PDXDC1: variants seen among roughly 807,000 people sequenced by gnomAD.
PDXDC1 encodes pyridoxal dependent decarboxylase domain containing 1.
PDXDC1 carries 42 observed loss-of-function variants against 100.1 expected under a neutral mutation model. That is an observed-to-expected ratio of 0.42 (90% CI 0.33 to 0.54). PDXDC1 has a LOEUF of 0.54. Among genes scored for constraint, PDXDC1 ranks in the 20% least tolerant of loss-of-function variants. PDXDC1 has a pLI of 0.10. For missense variants in PDXDC1, 636 were observed against 979.2 expected, an observed-to-expected ratio of 0.65 and a Z score of 4.68; for synonymous variants, 260 against 371.7, an observed-to-expected ratio of 0.70 and a Z score of 3.46.
chr16:15,148,370 ATTTTTTTTTTTTTTTTT>A, the PDXDC1 span, among the ~76,000 whole-genome samples: 1 of 34,118 alleles, frequency 2.9e-5, no homozygotes, highest in East Asian at 1.0e-3. Context: ...AGATCCTGTG[ATTTTTTTTTTTTTTTTT>A]TTTTTTTTTT....
chr16:15,130,383 G>A, intron 16 of PDXDC1: 4 of 1,577,526 alleles, frequency 2.5e-6, no homozygotes, highest in Non-Finnish European at 3.4e-6. Flanking sequence ...CAGGCCCACG[G>A]ACACCTCCAG....
intron 16 of PDXDC1, chr16:15,063,320 T>A: frequency 1.3e-6 from 2 of 1,496,140 alleles, no homozygotes; most frequent in Non-Finnish European, 9.3e-7. Context: ...TCAAGTTAAA[T>A]ACTTCGGCAG....
At chr16:15,044,472 T>C in intron 16 of PDXDC1, 1 of 1,046,626 alleles carries the variant, frequency 9.6e-7, no homozygotes, top group Non-Finnish European at 1.5e-6. Context: ...TGGTCTCACT[T>C]TGAACTTTCA....
chr16:15,048,277 C>T (rs547357441), intron 16 of PDXDC1, among the ~76,000 whole-genome samples: 1 of 152,308 alleles, frequency 6.6e-6, no homozygotes, highest in South Asian at 2.1e-4. Flanking sequence ...CAGAACAATG[C>T]AGAGAAAACG....
At chr16:15,100,570 C>T (rs1181520622) in intron 16 of PDXDC1, among the ~76,000 whole-genome samples, 1 of 152,156 alleles carries the variant, frequency 6.6e-6, no homozygotes, top group Non-Finnish European at 1.5e-5. Context: ...TCCCTGGCCT[C>T]TACCCAGTAG....
intron 16 of PDXDC1, among the ~76,000 whole-genome samples, chr16:15,072,477 C>T (rs943186200): frequency 1.2e-4 from 19 of 152,058 alleles, no homozygotes; most frequent in Non-Finnish European, 2.2e-4. Flanking sequence ...GGCTGGCAGG[C>T]AGCAATCTGT....
At chr16:14,990,186 G>A (rs1320759989) in intron 1 of PDXDC1, 30 of 1,187,500 alleles carry the variant, frequency 2.5e-5, no homozygotes, top group Admixed American at 4.7e-5. Context: ...GGGCAAGGGC[G>A]CGAGGGCGGC....
At chr16:14,974,918 C>G, upstream of PDXDC1, 1 of 1,535,426 alleles carries the variant, frequency 6.5e-7, no homozygotes. Flanking sequence ...AACAATCCAC[C>G]GGGCATCCTC....
chr16:15,132,814 C>G, intron 16 of PDXDC1: 1 of 1,379,970 alleles, frequency 7.2e-7, no homozygotes, highest in Non-Finnish European at 1.0e-6. Flanking sequence ...TCTTGCGTAT[C>G]TGGGCTCGGC....
At chr16:15,060,201 T>C (rs747021306) in intron 16 of PDXDC1, 1 of 399,642 alleles carries the variant, frequency 2.5e-6, no homozygotes. Flanking sequence ...AAGACCCCAC[T>C]TACTACTAAT....
At chr16:15,043,198 C>A (rs1408880870), downstream of PDXDC1, among the ~76,000 whole-genome samples, 5 of 151,974 alleles carry the variant, frequency 3.3e-5, no homozygotes, top group Admixed American at 2.0e-4. Context: ...CCGCACCCGG[C>A]CTAATTTTTG....
At chr16:15,094,438 T>C (rs1174688899) in intron 16 of PDXDC1, 2 of 606,004 alleles carry the variant, frequency 3.3e-6, no homozygotes, top group African/African-American at 1.9e-5. Context: ...CAGCCAGCGC[T>C]AGTGCGTGAG....
intron 16 of PDXDC1, among the ~76,000 whole-genome samples, chr16:15,099,580 A>G (rs1027708162): frequency 4.6e-5 from 7 of 152,022 alleles, no homozygotes; most frequent in Non-Finnish European, 1.0e-4. Flanking sequence ...AAGCCTCCTT[A>G]TCCAGTCTTG....
At chr16:15,075,267 A>C (rs1052842032) in intron 16 of PDXDC1, among the ~76,000 whole-genome samples, 1 of 151,386 alleles carries the variant, frequency 6.6e-6, no homozygotes, top group African/African-American at 2.4e-5. Flanking sequence ...AAAAAAAAAA[A>C]ACTAAACTAA....
At chr16:15,085,917 G>A (rs1021159555) in intron 16 of PDXDC1, among the ~76,000 whole-genome samples, 2 of 152,110 alleles carry the variant, frequency 1.3e-5, no homozygotes, top group Non-Finnish European at 2.9e-5. Context: ...TTCACCAGGA[G>A]TTCAATAAAG....
At chr16:15,100,759 G>A (rs2046515295) in intron 16 of PDXDC1, among the ~76,000 whole-genome samples, 1 of 152,136 alleles carries the variant, frequency 6.6e-6, no homozygotes, top group Non-Finnish European at 1.5e-5. Flanking sequence ...CAGGAGAATT[G>A]CTTGAGCCAG....
At chr16:15,043,411 G>A (rs757179553) in intron 16 of PDXDC1, among the ~76,000 whole-genome samples, 9 of 152,184 alleles carry the variant, frequency 5.9e-5, no homozygotes, top group Admixed American at 2.0e-4. Context: ...GGGCATGGTG[G>A]CATGCACCTA....
chr16:15,091,345 C>G, intron 16 of PDXDC1: 1 of 1,589,362 alleles, frequency 6.3e-7, no homozygotes, highest in Non-Finnish European at 8.6e-7. Context: ...GCTGGTTCTT[C>G]AACAACTCAA....
chr16:15,017,269 T>G, intron 10 of PDXDC1, 52 bp from the exon 11 acceptor site: 1 of 1,597,140 alleles, frequency 6.3e-7, no homozygotes, highest in South Asian at 1.1e-5. Flanking sequence ...GAGGAGGGTG[T>G]TAGGTTTGTG....
Sources: allele counts gnomAD v4.1 joint callset (sites outside exome capture counted in the v4.1 genomes callset), GRCh38; gene constraint gnomAD v4.1.1; transcripts MANE v1.5; gene names NCBI Gene and HGNC (gene_info 2026-07-23, HGNC 2026-07-21).